The following PLEKHA8 variants were observed in gnomAD, a reference collection of about 807,000 sequenced individuals.
PLEKHA8 encodes the protein pleckstrin homology domain containing A8.
PLEKHA8 carries 36 observed loss-of-function variants against 68.2 expected under a neutral mutation model. The observed-to-expected ratio is 0.53, with a 90% confidence interval of 0.40 to 0.70. PLEKHA8 has a LOEUF of 0.70. Ranked by LOEUF, PLEKHA8 falls within the 30% of genes least tolerant of loss-of-function variation. The pLI is 0.00. For missense variants in PLEKHA8, 505 were observed against 615.4 expected (o/e 0.82, Z 1.90); for synonymous variants, 211 against 216.1 (o/e 0.98, Z 0.20).
intron 1 of PLEKHA8, among the ~76,000 whole-genome samples, chr7:30,036,271 CAAAT>C (rs374601172): frequency 7.3e-5 from 11 of 151,362 alleles, no homozygotes; most frequent in East Asian, 2.0e-4. Flanking sequence ...GACTCTGTTG[CAAAT>C]AAATAAATAG....
At chr7:30,117,008 A>G (rs922142826) in intron 13 of PLEKHA8, among the ~76,000 whole-genome samples, 1 of 152,192 alleles carries the variant, frequency 6.6e-6, no homozygotes, top group Non-Finnish European at 1.5e-5. Flanking sequence ...TGGTCTTGCA[A>G]ATGTAGGTCT....
chr7:30,063,691 C>T (rs1793619761), intron 12 of PLEKHA8, among the ~76,000 whole-genome samples: 1 of 152,118 alleles, frequency 6.6e-6, no homozygotes, highest in Non-Finnish European at 1.5e-5. Context: ...GCTGATCTGC[C>T]ATAAAAATGA....
At chr7:30,116,004 GCATA>G (rs1420032491) in intron 13 of PLEKHA8, 1 of 140,778 alleles carries the variant, frequency 7.1e-6, no homozygotes, top group African/African-American at 2.6e-5. Context: ...GCATACATAC[GCATA>G]CATACGCATA....
At chr7:30,128,468 T>A (rs1156925509) in intron 13 of PLEKHA8, among the ~76,000 whole-genome samples, 1 of 152,224 alleles carries the variant, frequency 6.6e-6, no homozygotes, top group African/African-American at 2.4e-5. Context: ...ACACATTGAT[T>A]CCTATATTCA....
intron 13 of PLEKHA8, among the ~76,000 whole-genome samples, chr7:30,108,875 TA>T (rs1277353314): frequency 6.6e-6 from 1 of 152,134 alleles, no homozygotes; most frequent in Non-Finnish European, 1.5e-5. Flanking sequence ...GCAACTCCAG[TA>T]AACAACAAGC....
chr7:30,046,030 C>T (rs539684967), intron 2 of PLEKHA8, among the ~76,000 whole-genome samples, 180 bp from the exon 3 acceptor site: 1 of 152,302 alleles, frequency 6.6e-6, no homozygotes, highest in East Asian at 1.9e-4. Context: ...TTAACAGAGA[C>T]ATCTAAGATG....
At chr7:30,089,124 G>T (rs537397741), downstream of PLEKHA8, among the ~76,000 whole-genome samples, 2 of 152,140 alleles carry the variant, frequency 1.3e-5, no homozygotes, top group Non-Finnish European at 2.9e-5. Flanking sequence ...GCAGAGTCCA[G>T]TCCTCTAGTA....
Position 30,079,887 on chromosome 7 carries a change from AATG to A in PLEKHA8, c.*1103_*1105del, listed in dbSNP as rs969339213. On this transcript the variant is annotated 3_prime_UTR_variant, in exon 14 of 14. Transcript: ENST00000449726. ...AATTACCAGTTTTCTTCAAGAACTA[AATG>A]ATATGTCCTTTTTTTTTTTTTCAAA... 1 of 979,488 alleles carries A rather than the reference AATG, an allele frequency of 1.0e-6. No homozygotes were observed. Among genetic ancestry groups the A allele is most frequent in the Non-Finnish European group, 1.2e-6 (1 of 824,610 alleles). 60.7% of individuals were successfully genotyped at this position (979,488 alleles called of 1,614,324 possible).
At chr7:30,118,173 AG>A in intron 13 of PLEKHA8, 1 of 565,314 alleles carries the variant, frequency 1.8e-6, no homozygotes, top group Non-Finnish European at 2.8e-6. Flanking sequence ...CCTGGAGAGA[AG>A]GAAGTATGTG....
At chr7:30,044,327 TC>T (rs1791783294) in intron 1 of PLEKHA8, among the ~76,000 whole-genome samples, 1 of 151,868 alleles carries the variant, frequency 6.6e-6, no homozygotes, top group African/African-American at 2.4e-5. Flanking sequence ...TATGAAGAGA[TC>T]CAGTTGGAGC....
intron 9 of PLEKHA8, among the ~76,000 whole-genome samples, chr7:30,058,812 T>A (rs577945953): frequency 1.0e-3 from 156 of 152,272 alleles, no homozygotes; most frequent in Non-Finnish European, 1.9e-3. Flanking sequence ...CTAAACCAAT[T>A]AGGGGAAAGC....
chr7:30,097,588 T>G (rs1795669378), intron 13 of PLEKHA8, among the ~76,000 whole-genome samples: 1 of 152,222 alleles, frequency 6.6e-6, no homozygotes, highest in African/African-American at 2.4e-5. Context: ...CGTCTTCCAT[T>G]GCTGATACCC....
At chr7:30,039,184 A>G (rs755873157) in intron 1 of PLEKHA8, among the ~76,000 whole-genome samples, 13 of 152,206 alleles carry the variant, frequency 8.5e-5, no homozygotes, top group Non-Finnish European at 7.3e-5. Flanking sequence ...TCTTTGAACA[A>G]TGATTTGTAG....
chr7:30,079,026 G>A lies in PLEKHA8; in HGVS notation c.*239G>A. The A allele has an allele frequency of 1.6e-6, 2 of 1,283,198 alleles. No individual in the cohort carries two copies. The highest frequency in any genetic ancestry group is 4.8e-5 in the South Asian group (2 of 41,622). 79.5% of individuals were successfully genotyped at this position (1,283,198 alleles called of 1,614,324 possible). Reference sequence around the variant, plus strand: ...ACTGGAAACCAAATGATAAGCTGCTGTAGACTTGAACAGCAAGTTATAAGA... The same window carrying A: ...ACTGGAAACCAAATGATAAGCTGCTATAGACTTGAACAGCAAGTTATAAGA... On this transcript the variant is annotated 3_prime_UTR_variant, in exon 14 of 14. Transcript: ENST00000449726.
At chr7:30,071,051 G>A (rs7783615) in intron 12 of PLEKHA8, among the ~76,000 whole-genome samples, 136,611 of 152,256 alleles carry the variant, frequency 0.9, 61,376 homozygotes, top group East Asian at 1. Flanking sequence ...GAAAAAACTA[G>A]CAGAATATTT....
intron 9 of PLEKHA8, among the ~76,000 whole-genome samples, chr7:30,060,353 G>T (rs1223993627): frequency 6.6e-6 from 1 of 151,954 alleles, no homozygotes; most frequent in Non-Finnish European, 1.5e-5. Flanking sequence ...AGGGAGAATC[G>T]CTTGAACCTG....
chr7:30,075,636 T>TGTG (rs1794565316), intron 13 of PLEKHA8, among the ~76,000 whole-genome samples: 1 of 152,170 alleles, frequency 6.6e-6, no homozygotes, highest in Non-Finnish European at 1.5e-5. Context: ...GGATGCTCAC[T>TGTG]GTGGTCATTG....
intron 9 of PLEKHA8, among the ~76,000 whole-genome samples, chr7:30,056,312 C>CTCTATATA (rs796845171): frequency 0.032 from 3,042 of 94,422 alleles, 138 homozygotes; most frequent in East Asian, 0.082. Context: ...CTCTCTCTCT[C>CTCTATATA]TATATATATA....
intron 13 of PLEKHA8, among the ~76,000 whole-genome samples, chr7:30,114,647 G>C (rs1796371880): frequency 6.6e-6 from 1 of 152,214 alleles, no homozygotes; most frequent in African/African-American, 2.4e-5. Context: ...AAGTCAGCAG[G>C]ATTTTGTCCT....
Sources: allele counts gnomAD v4.1 joint callset (sites outside exome capture counted in the v4.1 genomes callset), GRCh38; gene constraint gnomAD v4.1.1; transcripts MANE v1.5; gene names NCBI Gene and HGNC (gene_info 2026-07-23, HGNC 2026-07-21).